Variants in DDC observed in about 807,000 individuals in gnomAD.
DDC encodes dopa decarboxylase.
DDC carries 43 observed loss-of-function variants against 60.0 expected under a neutral mutation model. The ratio of observed to expected loss-of-function variants is 0.72; its 90% CI spans 0.56 to 0.92. The LOEUF (loss-of-function observed/expected upper bound fraction) is 0.92, where lower values mean the gene tolerates loss of function less well. DDC is among the 40% of genes least tolerant of loss of function. The pLI, the probability that DDC is intolerant of heterozygous loss-of-function variation, is 0.00. For synonymous variants in DDC, 232 were observed against 234.6 expected (o/e 0.99, Z 0.10); for missense variants, 573 against 620.2 (o/e 0.92, Z 0.81).
At chr7:50,481,437 G>T (rs1216707135) in intron 9 of DDC, among the ~76,000 whole-genome samples, 1 of 152,142 alleles carries the variant, frequency 6.6e-6, no homozygotes, top group African/African-American at 2.4e-5. Context: ...AGGGGACCAA[G>T]AGGGATGTGA....
rs370955348 is a variant in DDC at position 50,479,445 on chromosome 7, TG to T, written c.1021+341del. ...ATGCAAAGCCTTTTTGTAGACATTA[TG>T]GCTGTCATTATGTTAAAGACGTTTC... On this transcript the variant is annotated intron_variant, in intron 10 of 14. Transcript: ENST00000444124. 5.2e-5 allele frequency among the ~76,000 whole-genome samples: 8 copies of T among 152,390 alleles called. No individual in the cohort carries two copies. The East Asian group carries it at 1.5e-3, about 29-fold the overall frequency.
intron 6 of DDC, among the ~76,000 whole-genome samples, chr7:50,519,749 A>C (rs1416695189): frequency 6.6e-6 from 1 of 151,892 alleles, no homozygotes; most frequent in Non-Finnish European, 1.5e-5. Context: ...GAAGAGTGGG[A>C]GCGGGGGTGA....
chr7:50,510,391 G>C (rs188619191), intron 6 of DDC, among the ~76,000 whole-genome samples: 3 of 152,040 alleles, frequency 2.0e-5, no homozygotes, highest in Non-Finnish European at 2.9e-5. Context: ...TAAGTAGGCC[G>C]GGTGCTGTGG....
Position 50,492,989 on chromosome 7 carries a change from G to A in DDC, c.944+2361C>T, listed in dbSNP as rs753899906. ...CAGGTTTTCTTCAGCCTTAACATAC[G>A]CACTGGTTGTCTGGACCTGAGGGCA... On this transcript the variant is annotated intron_variant, in intron 9 of 14. Transcript: ENST00000444124. The A allele has an allele frequency of 3.8e-6, 6 of 1,597,988 alleles. No individual in the cohort carries two copies. In the Admixed American group the frequency reaches 8.3e-5, roughly 22 times the overall value.
chr7:50,507,243 CT>C (rs374412569), intron 6 of DDC, among the ~76,000 whole-genome samples: 40 of 148,574 alleles, frequency 2.7e-4, no homozygotes, highest in East Asian at 1.9e-3. Context: ...AATGCAATAA[CT>C]TTTTTTTTTT....
chr7:50,528,306 T>A (rs776704680), intron 5 of DDC, 26 bp from the exon 6 acceptor site: 18 of 1,613,664 alleles, frequency 1.1e-5, no homozygotes, highest in Non-Finnish European at 1.5e-5. Flanking sequence ...CAGAGTTGGA[T>A]TTGTACAGGT....
intron 6 of DDC, among the ~76,000 whole-genome samples, chr7:50,505,025 C>G (rs992776927): frequency 3.3e-5 from 5 of 152,238 alleles, no homozygotes; most frequent in African/African-American, 9.6e-5. Flanking sequence ...TCTGAGAAAG[C>G]ATTGAGTGCT....
In DDC at chr7:50,461,655, C is replaced by T. The variant is rs570134106; in HGVS notation, c.*18+1558G>A. Reference sequence around the variant, plus strand: ...AACGTGGGGTTGCAGAAATGCGAGTCGGGAGCGTTTGCCTGATAGGGATTT... The same window carrying T: ...AACGTGGGGTTGCAGAAATGCGAGTTGGGAGCGTTTGCCTGATAGGGATTT... On this transcript the variant is annotated intron_variant, in intron 14 of 14. Coordinates refer to ENST00000444124, the MANE Select transcript of DDC (RefSeq NM_001082971.2). Among the ~76,000 whole-genome samples the T allele has an allele frequency of 3.9e-5, 6 of 152,296 alleles. No homozygotes were observed. The East Asian group carries it at 5.8e-4, about 15-fold the overall frequency.
Position 50,543,966 on chromosome 7 carries a change from C to G in DDC, c.120G>C (p.Pro40=). The change falls in exon 2 of 15, where the codon CCG becomes CCC. Residue 40 remains proline, a synonymous_variant. Transcript: ENST00000444124. ...CCTGAGGGGCAGCGGCAGGGATCAGCGGCCGCAGGTACCCGGGCTCCACGT... is the reference window on the plus strand; with the variant it reads ...CCTGAGGGGCAGCGGCAGGGATCAGGGGCCGCAGGTACCCGGGCTCCACGT... The part of the protein sequence containing the change: ...YPDVEPGYLR[P]LIPAAAPQEP... The G allele has an allele frequency of 6.2e-7, 1 of 1,614,148 alleles. No homozygotes were observed. Among genetic ancestry groups the G allele is most frequent in the Non-Finnish European group, 8.5e-7 (1 of 1,180,032 alleles).
chr7:50,505,751 C>T (rs891732274), intron 6 of DDC, among the ~76,000 whole-genome samples: 5 of 152,228 alleles, frequency 3.3e-5, no homozygotes, highest in African/African-American at 7.2e-5. Flanking sequence ...TGCCAAACCC[C>T]GGGGCGTGGG....
intron 1 of DDC, among the ~76,000 whole-genome samples, chr7:50,555,261 G>T (rs2045144430): frequency 1.3e-5 from 2 of 152,192 alleles, no homozygotes; most frequent in African/African-American, 2.4e-5. Flanking sequence ...TTCCTGAGAA[G>T]CATGGCTTGT....
chr7:50,505,856 CAGG>C (rs1258693183), intron 6 of DDC, among the ~76,000 whole-genome samples: 1 of 152,252 alleles, frequency 6.6e-6, no homozygotes, highest in Non-Finnish European at 1.5e-5. Context: ...CCCTCAGGCG[CAGG>C]AGGGGCAGTC....
At chr7:50,544,420 C>T (rs777226197) in intron 1 of DDC, among the ~76,000 whole-genome samples, 21 of 152,180 alleles carry the variant, frequency 1.4e-4, no homozygotes, top group Non-Finnish European at 2.8e-4. Flanking sequence ...ACTTTAATGA[C>T]AAACACTGGT....
intron 1 of DDC, among the ~76,000 whole-genome samples, chr7:50,552,487 T>G (rs979716821): frequency 6.6e-5 from 10 of 152,180 alleles, no homozygotes; most frequent in African/African-American, 2.2e-4. Context: ...TGGCTCAATG[T>G]CTTTTTGCAT....
At chr7:50,510,197 G>A (rs1026845027) in intron 6 of DDC, among the ~76,000 whole-genome samples, 16 of 152,076 alleles carry the variant, frequency 1.1e-4, no homozygotes, top group African/African-American at 2.2e-4. Context: ...GGATGGTCTC[G>A]ATCTCCTGAC....
chr7:50,562,359 C>T (rs1228642451), intron 1 of DDC, among the ~76,000 whole-genome samples: 1 of 152,220 alleles, frequency 6.6e-6, no homozygotes, highest in Non-Finnish European at 1.5e-5. Context: ...CCCATCTGCA[C>T]AGAGGGCAAG....
At chr7:50,482,496 G>T (rs73119230) in intron 9 of DDC, among the ~76,000 whole-genome samples, 1 of 152,024 alleles carries the variant, frequency 6.6e-6, no homozygotes, top group Non-Finnish European at 1.5e-5. Flanking sequence ...CTGTGCCCGC[G>T]CTGGTGCTAC....
intron 6 of DDC, among the ~76,000 whole-genome samples, chr7:50,509,242 C>A (rs1212736215): frequency 6.6e-6 from 1 of 152,178 alleles, no homozygotes; most frequent in Non-Finnish European, 1.5e-5. Context: ...CCGATACCTA[C>A]AATTGGCCCA....
chr7:50,539,703 T>C (rs2044549121), intron 3 of DDC: 1 of 561,670 alleles, frequency 1.8e-6, no homozygotes, highest in Non-Finnish European at 3.3e-6. Flanking sequence ...CAGAATGGGC[T>C]TTGAGTTGTT....
Sources: gnomAD v4.1 joint callset for allele counts (sites outside exome capture counted in the v4.1 genomes callset) on GRCh38, gnomAD v4.1.1 for gene constraint, MANE v1.5 for transcripts, NCBI Gene and HGNC (gene_info 2026-07-23, HGNC 2026-07-21) for gene names.